The following ANKRD6 variants were observed in gnomAD, a reference collection of about 807,000 sequenced individuals.
The protein encoded by ANKRD6 is ankyrin repeat domain 6, also known as ankyrin repeat domain-containing protein 6.
A neutral mutation model predicts 82.3 loss-of-function variants in ANKRD6; 56 were observed. That is an observed-to-expected ratio of 0.68 (90% CI 0.55 to 0.85). The LOEUF is 0.85. Ranked by LOEUF, ANKRD6 falls within the 40% of genes least tolerant of loss-of-function variation. The pLI, the probability that ANKRD6 is intolerant of heterozygous loss-of-function variation, is 0.00. For missense variants in ANKRD6, 852 were observed against 907.6 expected (o/e 0.94, Z 0.79); for synonymous variants, 347 against 352.1 (o/e 0.99, Z 0.16).
intron 11 of ANKRD6, 112 bp downstream of exon 11, chr6:89,623,656 T>C: frequency 2.8e-6 from 4 of 1,445,406 alleles, no homozygotes; most frequent in Non-Finnish European, 3.7e-6. Flanking sequence ...GCTGGCTGGT[T>C]TGGAGCCAGA....
chr6:89,464,642 AAC>A (rs1374377621), intron 1 of ANKRD6, among the ~76,000 whole-genome samples: 1 of 152,224 alleles, frequency 6.6e-6, no homozygotes, highest in Non-Finnish European at 1.5e-5. Flanking sequence ...CTTTCATCTA[AAC>A]TACCTTGTAA....
intron 1 of ANKRD6, among the ~76,000 whole-genome samples, chr6:89,482,967 C>G (rs1182487606): frequency 1.3e-5 from 2 of 152,222 alleles, no homozygotes; most frequent in Non-Finnish European, 2.9e-5. Flanking sequence ...TTGGCACCCA[C>G]ATCACACCAT....
intron 1 of ANKRD6, among the ~76,000 whole-genome samples, chr6:89,535,701 C>G (rs539849475): frequency 6.6e-6 from 1 of 152,316 alleles, no homozygotes; most frequent in South Asian, 2.1e-4. Flanking sequence ...AATACAACAG[C>G]ACTTGACCTG....
At chr6:89,523,773 G>C (rs1375338712) in intron 1 of ANKRD6, among the ~76,000 whole-genome samples, 3 of 152,104 alleles carry the variant, frequency 2.0e-5, no homozygotes, top group African/African-American at 7.2e-5. Flanking sequence ...GGACACTACT[G>C]TGTTAGGTGC....
intron 4 of ANKRD6, among the ~76,000 whole-genome samples, chr6:89,603,602 G>A (rs1797776202): frequency 6.6e-6 from 1 of 152,160 alleles, no homozygotes; most frequent in Non-Finnish European, 1.5e-5. Context: ...TGGGTCGGGG[G>A]GGTAAGGGAT....
chr6:89,629,027 C>A, intron 14 of ANKRD6, 85 bp from the exon 15 acceptor site: 1 of 1,440,228 alleles, frequency 6.9e-7, no homozygotes, highest in Non-Finnish European at 9.3e-7. Context: ...AAAGTCCATC[C>A]TTGATGCTTT....
rs867400606 is a variant in ANKRD6 at position 89,590,136 on chromosome 6, A to T, written c.121-5780A>T. On this transcript the variant is annotated intron_variant, in intron 2 of 15. Transcript: ENST00000339746. ...TCCATATTTTTAGTAATGTCATTAC[A>T]TTGCTTATATACTCTGAAGATCTGG... Among the ~76,000 whole-genome samples, 78 of 152,372 alleles carry T rather than the reference A, an allele frequency of 5.1e-4. No homozygotes were observed. In the Middle Eastern group the frequency reaches 0.02, roughly 40 times the overall value.
chr6:89,566,621 A>G (rs932156571), intron 1 of ANKRD6, among the ~76,000 whole-genome samples: 1 of 152,212 alleles, frequency 6.6e-6, no homozygotes, highest in Non-Finnish European at 1.5e-5. Context: ...TAGGGGAAGA[A>G]GGGAGGGAAG....
In ANKRD6 at chr6:89,623,494, T is replaced by G; in HGVS notation, c.982T>G (p.Ser328Ala). ...EEAREEFLSASPEPRAKDDRR... is the reference protein window; with the variant it reads ...EEAREEFLSAAPEPRAKDDRR... ...AGCCAGAGAAGAGTTCCTGTCAGCC[T>G]CCCCAGAACCCAGAGCAAAGGATGA... Residue 328 changes from serine to alanine, a missense_variant, in exon 11 of 16, where the codon TCC becomes GCC. Ser to Ala is a moderately conservative substitution (Grantham distance 99, BLOSUM62 1). Transcript: ENST00000339746. 1 of 1,597,656 alleles carries G rather than the reference T, an allele frequency of 6.3e-7. No homozygotes were observed. Among genetic ancestry groups the G allele is most frequent in the South Asian group, 1.1e-5 (1 of 88,510 alleles).
At chr6:89,618,165 C>T in intron 9 of ANKRD6, 134 bp downstream of exon 9, 2 of 960,082 alleles carry the variant, frequency 2.1e-6, no homozygotes, top group Non-Finnish European at 3.4e-6. Context: ...GAGGTATAGG[C>T]ATGCATGGGG....
At chr6:89,509,625 AT>A (rs2127933186) in intron 1 of ANKRD6, among the ~76,000 whole-genome samples, 1 of 152,222 alleles carries the variant, frequency 6.6e-6, no homozygotes, top group Non-Finnish European at 1.5e-5. Flanking sequence ...CATTGCCTTT[AT>A]TTTTTTCTCA....
In ANKRD6 at chr6:89,618,545, A is replaced by G. The variant is rs148742635; in HGVS notation, c.792+514A>G. Reference sequence around the variant, plus strand: ...CTAATGGTATTTTGACCATCATTTAATTTTTTTTAAAATGGTGGCTGATAC... The same window carrying G: ...CTAATGGTATTTTGACCATCATTTAGTTTTTTTTAAAATGGTGGCTGATAC... On this transcript the variant is annotated intron_variant, in intron 9 of 15. Coordinates refer to ENST00000339746, the MANE Select transcript of ANKRD6 (RefSeq NM_001242809.2). The G allele has an allele frequency of 7.0e-3, 1,329 of 190,430 alleles. 34 individuals carry two copies. Among genetic ancestry groups the G allele is most frequent in the Admixed American group, 0.044 (789 of 17,798 alleles). 11.8% of individuals were successfully genotyped at this position (190,430 alleles called of 1,614,324 possible).
chr6:89,569,971 G>A (rs946874119), intron 2 of ANKRD6, among the ~76,000 whole-genome samples: 11 of 151,972 alleles, frequency 7.2e-5, no homozygotes, highest in Non-Finnish European at 7.4e-5. Context: ...GAATATGTAT[G>A]TTCTACCACC....
chr6:89,483,780 G>A (rs138895311), intron 1 of ANKRD6, among the ~76,000 whole-genome samples: 1 of 152,220 alleles, frequency 6.6e-6, no homozygotes, highest in South Asian at 2.1e-4. Flanking sequence ...TTGTGCACGT[G>A]TATGTGCATT....
chr6:89,587,731 T>C (rs1405560793), intron 2 of ANKRD6, among the ~76,000 whole-genome samples: 4 of 152,212 alleles, frequency 2.6e-5, no homozygotes, highest in Admixed American at 6.5e-5. Context: ...TGAGATTGTT[T>C]TGGATCCTGA....
At chr6:89,559,465 G>A (rs1318376223) in intron 1 of ANKRD6, among the ~76,000 whole-genome samples, 1 of 152,120 alleles carries the variant, frequency 6.6e-6, no homozygotes, top group African/African-American at 2.4e-5. Context: ...TTCAATATAT[G>A]CTTGGTACTC....
chr6:89,596,644 A>G (rs1183702786), intron 3 of ANKRD6, among the ~76,000 whole-genome samples: 10 of 152,156 alleles, frequency 6.6e-5, no homozygotes, highest in East Asian at 1.9e-4. Context: ...CAGGTTATCT[A>G]GAGATGGACT....
intron 4 of ANKRD6, among the ~76,000 whole-genome samples, chr6:89,605,643 T>G (rs1435650206): frequency 6.6e-6 from 1 of 152,088 alleles, no homozygotes; most frequent in Non-Finnish European, 1.5e-5. Flanking sequence ...TGGGAAGAAA[T>G]AGATGGCATG....
At chr6:89,530,445 T>A (rs1783004705) in intron 1 of ANKRD6, among the ~76,000 whole-genome samples, 2 of 151,206 alleles carry the variant, frequency 1.3e-5, no homozygotes, top group South Asian at 4.2e-4. Context: ...AAATGAGACA[T>A]GCCCAAATCT....
Sources: gnomAD v4.1 joint callset for allele counts (sites outside exome capture counted in the v4.1 genomes callset) on GRCh38, gnomAD v4.1.1 for gene constraint, MANE v1.5 for transcripts, NCBI Gene and HGNC (gene_info 2026-07-23, HGNC 2026-07-21) for gene names.